The following CACNA1E variants were observed in gnomAD, a reference collection of about 807,000 sequenced individuals.
The protein encoded by CACNA1E is voltage-dependent R-type calcium channel subunit alpha-1E.
Under a neutral mutation model 259.2 loss-of-function variants are expected in CACNA1E, and 40 were observed. That is an observed-to-expected ratio of 0.15 (90% CI 0.12 to 0.20). The LOEUF (loss-of-function observed/expected upper bound fraction) is 0.20, where lower values mean the gene tolerates loss of function less well. Ranked by LOEUF, CACNA1E falls within the 10% of genes least tolerant of loss-of-function variation. The pLI, the probability that CACNA1E is intolerant of heterozygous loss-of-function variation, is 1.00. For missense variants in CACNA1E, 1,874 were observed against 3,040.1 expected (o/e 0.62, Z 9.02); for synonymous variants, 1,104 against 1,138.5 (o/e 0.97, Z 0.61).
intron 2 of CACNA1E, among the ~76,000 whole-genome samples, chr1:181,429,334 A>G (rs1659543466): frequency 6.6e-6 from 1 of 152,174 alleles, no homozygotes; most frequent in African/African-American, 2.4e-5. Flanking sequence ...AGCCAGAACC[A>G]TCTAGAACAC....
intron 3 of CACNA1E, among the ~76,000 whole-genome samples, chr1:181,535,747 G>C (rs1041938247): frequency 6.6e-6 from 1 of 150,418 alleles, no homozygotes; most frequent in East Asian, 2.0e-4. Context: ...GAGTGCAACA[G>C]TGCAATCTCA....
chr1:181,661,874 G>A (rs1647718453), intron 7 of CACNA1E, among the ~76,000 whole-genome samples: 1 of 152,178 alleles, frequency 6.6e-6, no homozygotes, highest in Admixed American at 6.5e-5. Flanking sequence ...GATCTACTAG[G>A]CACAAACACC....
intron 1 of CACNA1E, among the ~76,000 whole-genome samples, chr1:181,391,457 A>G (rs990481357): frequency 6.6e-6 from 1 of 151,992 alleles, no homozygotes; most frequent in African/African-American, 2.4e-5. Flanking sequence ...CACTGGAGGC[A>G]CCCAAGCCCT....
chr1:181,538,164 T>G (rs1668314675), intron 3 of CACNA1E, among the ~76,000 whole-genome samples: 2 of 152,248 alleles, frequency 1.3e-5, no homozygotes, highest in South Asian at 4.1e-4. Flanking sequence ...TTTAAAATTT[T>G]TACATATTGA....
At chr1:181,615,168 G>T (rs186302949) in intron 6 of CACNA1E, among the ~76,000 whole-genome samples, 11 of 152,044 alleles carry the variant, frequency 7.2e-5, no homozygotes, top group Non-Finnish European at 1.3e-4. Flanking sequence ...ATACTATTTT[G>T]TGTAGAGGTC....
intron 1 of CACNA1E, among the ~76,000 whole-genome samples, chr1:181,495,555 A>G (rs1376438438): frequency 6.6e-6 from 1 of 152,240 alleles, no homozygotes; most frequent in Non-Finnish European, 1.5e-5. Context: ...CATAAACATT[A>G]AACTTCTGCA....
chr1:181,743,493 C>G (rs140820162), intron 25 of CACNA1E, among the ~76,000 whole-genome samples: 3 of 152,176 alleles, frequency 2.0e-5, no homozygotes, highest in African/African-American at 7.2e-5. Context: ...TTTGGGGGAC[C>G]CTGCTCCCCA....
chr1:181,424,416 C>T (rs549154147), intron 2 of CACNA1E, among the ~76,000 whole-genome samples: 25 of 152,370 alleles, frequency 1.6e-4, no homozygotes, highest in African/African-American at 5.3e-4. Context: ...TCTGGTGACT[C>T]GCCTTTCCCT....
At chr1:181,495,593 G>A (rs1157313242) in intron 1 of CACNA1E, among the ~76,000 whole-genome samples, 1 of 152,158 alleles carries the variant, frequency 6.6e-6, no homozygotes, top group East Asian at 1.9e-4. Flanking sequence ...CAACAATGCT[G>A]TCCTACTTCC....
intron 1 of CACNA1E, among the ~76,000 whole-genome samples, chr1:181,406,586 CAG>C (rs1174490250): frequency 6.6e-6 from 1 of 152,012 alleles, no homozygotes; most frequent in Non-Finnish European, 1.5e-5. Flanking sequence ...TTAGTAGAGA[CAG>C]AGTTTCACCA....
chr1:181,398,478 ACTGAGGCC>A (rs1237410307), intron 1 of CACNA1E, among the ~76,000 whole-genome samples: 4 of 152,222 alleles, frequency 2.6e-5, no homozygotes, highest in African/African-American at 9.6e-5. Flanking sequence ...AGATGAGAAA[ACTGAGGCC>A]CAGAGAGGTT....
intron 3 of CACNA1E, among the ~76,000 whole-genome samples, chr1:181,550,942 GTAT>G (rs1184526562): frequency 1.3e-5 from 2 of 151,734 alleles, no homozygotes; most frequent in African/African-American, 2.4e-5. Flanking sequence ...TAGATTGAAA[GTAT>G]TATTATTATT....
intron 34 of CACNA1E, among the ~76,000 whole-genome samples, chr1:181,764,945 A>G (rs192757306): frequency 1.4e-4 from 22 of 152,326 alleles, no homozygotes; most frequent in Admixed American, 5.9e-4. Flanking sequence ...TGGTTGGCTT[A>G]TTCCAGCAAA....
chr1:181,388,891 C>CA lies in CACNA1E; in HGVS notation c.-14-24242_-14-24241insA, dbSNP rs1557962800. Among the ~76,000 whole-genome samples, 422 of 124,824 alleles carry CA rather than the reference C, an allele frequency of 3.4e-3. 2 individuals are homozygous for CA. The highest frequency in any genetic ancestry group is 0.011 in the African/African-American group (269 of 24,002). The allele number at this position is 124,824 out of a possible 152,430, so 81.9% of individuals were successfully genotyped here. On this transcript the variant is annotated intron_variant, in intron 1 of 11. Coordinates refer to the CACNA1E transcript ENST00000524607. ...GGGCAACAAGAGTGAAACTCCATCT[C>CA]CAAAAAAAAAAAACGTGTTATGATC...
At chr1:181,487,036 T>G (rs960903826) in intron 1 of CACNA1E, among the ~76,000 whole-genome samples, 1 of 152,164 alleles carries the variant, frequency 6.6e-6, no homozygotes, top group African/African-American at 2.4e-5. Flanking sequence ...TTTTTTTTTT[T>G]TTTTAAGAAA....
intron 3 of CACNA1E, among the ~76,000 whole-genome samples, chr1:181,541,755 G>C (rs190526637): frequency 6.6e-6 from 1 of 152,144 alleles, no homozygotes; most frequent in African/African-American, 2.4e-5. Context: ...TTGTTTCTTC[G>C]TATAATAGAG....
At chr1:181,363,902 T>C (rs1169256984) in intron 1 of CACNA1E, among the ~76,000 whole-genome samples, 1 of 152,180 alleles carries the variant, frequency 6.6e-6, no homozygotes, top group African/African-American at 2.4e-5. Context: ...GTATGGGATG[T>C]CTTCATCACC....
chr1:181,464,300 C>G (rs1272444520), intron 2 of CACNA1E, among the ~76,000 whole-genome samples: 1 of 151,190 alleles, frequency 6.6e-6, no homozygotes, highest in Non-Finnish European at 1.5e-5. Context: ...ATAGATTAAC[C>G]TAAGGGAGCC....
At chr1:181,445,303 A>T (rs1235771834) in intron 2 of CACNA1E, among the ~76,000 whole-genome samples, 1 of 152,214 alleles carries the variant, frequency 6.6e-6, no homozygotes. Flanking sequence ...CCAATTCAAG[A>T]TTTGTTTTTT....
Sources: gnomAD v4.1 joint callset for allele counts (sites outside exome capture counted in the v4.1 genomes callset) on GRCh38, gnomAD v4.1.1 for gene constraint, MANE v1.5 for transcripts, NCBI Gene and HGNC (gene_info 2026-07-23, HGNC 2026-07-21) for gene names.